The following GIGYF1 variants were observed in gnomAD, a reference collection of about 807,000 sequenced individuals.
The protein encoded by GIGYF1 is GRB10-interacting GYF protein 1.
A neutral mutation model predicts 147.1 loss-of-function variants in GIGYF1; 84 were observed. The observed-to-expected ratio is 0.57, with a 90% CI of 0.48 to 0.68. GIGYF1 has a LOEUF of 0.68. Ranked by LOEUF, GIGYF1 falls within the 30% of genes least tolerant of loss-of-function variation. The pLI is 0.00. For missense variants in GIGYF1, 1,485 were observed against 1,393.7 expected, an observed-to-expected ratio of 1.07 and a Z score of -1.04; for synonymous variants, 752 against 589.5, an observed-to-expected ratio of 1.28 and a Z score of -3.99.
At position 100,681,457 on chromosome 7, in the gene GIGYF1, T is replaced by A. The variant is rs981484538; in HGVS notation, c.*262A>T. 12 of 378,498 alleles carry A rather than the reference T, an allele frequency of 3.2e-5. No homozygotes were observed. The highest frequency in any genetic ancestry group is 5.6e-5 in the Non-Finnish European group (12 of 213,606). 23.4% of individuals were successfully genotyped at this position (378,498 alleles called of 1,614,324 possible). A position where few individuals can be genotyped will look rare whatever the true frequency, so the allele number is the denominator to read the frequency against. On this transcript the variant is annotated 3_prime_UTR_variant, in exon 27 of 27. Coordinates refer to ENST00000678049, the MANE Select transcript of GIGYF1 (RefSeq NM_001375765.1). ...GAAGGGGTGTTTAGAGTCTAGTTTT[T>A]AACAATATTTTTGCCTCTCCTAATG...
intron 1 of GIGYF1, among the ~76,000 whole-genome samples, chr7:100,692,002 T>C (rs1584513072): frequency 6.6e-6 from 1 of 152,186 alleles, no homozygotes; most frequent in African/African-American, 2.4e-5. Flanking sequence ...CCTCACTCCA[T>C]CACCCCTAAA....
In GIGYF1 at chr7:100,682,706, T is replaced by G; in HGVS notation, c.2484A>C (p.Pro828=). The stretch of plus-strand genomic sequence containing the variant: ...CGCTGCTGCCGCCCCCACTCTTGTC[T>G]GGCCCGCCCCACAGTGGCCCAGCCT... ...VSEAGPLWGG[P]DKSGGGSSGL... is the part of the protein sequence containing the mutation. The change falls in exon 23 of 27, where the codon CCA becomes CCC. Residue 828 remains proline, a synonymous_variant. Coordinates refer to ENST00000678049, the MANE Select transcript of GIGYF1 (RefSeq NM_001375765.1). The G allele has an allele frequency of 6.3e-7, 1 of 1,587,166 alleles. No homozygotes were observed. Among genetic ancestry groups the G allele is most frequent in the Non-Finnish European group, 8.6e-7 (1 of 1,167,396 alleles).
At chr7:100,686,861 G>A (rs1399097872) in intron 9 of GIGYF1, 42 bp from the exon 10 acceptor site, 19 of 1,597,476 alleles carry the variant, frequency 1.2e-5, no homozygotes, top group Middle Eastern at 3.3e-4. Flanking sequence ...GAAAGGCAGC[G>A]TGGTGCCTGG....
intron 8 of GIGYF1, 23 bp downstream of exon 8, chr7:100,687,275 G>T (rs746765146): frequency 6.2e-7 from 1 of 1,601,244 alleles, no homozygotes; most frequent in Non-Finnish European, 8.5e-7. Flanking sequence ...CCGGCTCTGC[G>T]CCATGCCCCC....
intron 13 of GIGYF1, 84 bp from the exon 14 acceptor site, chr7:100,685,230 G>C (rs1463710028): frequency 6.6e-7 from 1 of 1,516,614 alleles, no homozygotes; most frequent in African/African-American, 1.4e-5. Context: ...AGAACACCAC[G>C]CTCTTGCCAT....
At chr7:100,684,978 G>A in intron 14 of GIGYF1, 71 bp downstream of exon 14, 1 of 1,544,536 alleles carries the variant, frequency 6.5e-7, no homozygotes, top group Non-Finnish European at 8.7e-7. Flanking sequence ...TTGAGCTGGG[G>A]CCGGGGCTGG....
rs539867743 is a variant in GIGYF1 at position 100,683,895 on chromosome 7, G to C, written c.1892C>G (p.Pro631Arg). ...PPRGGDQNLL[P>R]TMSRSLSVPD... ...CACCGACAAGGACCGGCTCATCGTCGGGAGCAGGTTCTGGTCCCCGCCTCT... is the reference window on the plus strand; with the variant it reads ...CACCGACAAGGACCGGCTCATCGTCCGGAGCAGGTTCTGGTCCCCGCCTCT... The change falls in exon 19 of 27, where the codon CCG becomes CGG. Residue 631 changes from proline to arginine, a missense_variant. Physicochemically the swap from Pro to Arg is moderately radical, Grantham distance 103. Coordinates refer to ENST00000678049, the MANE Select transcript of GIGYF1 (RefSeq NM_001375765.1). The C allele has an allele frequency of 8.4e-5, 131 of 1,555,498 alleles. 1 individual carries two copies. In the South Asian group the frequency reaches 1.4e-3, roughly 17 times the overall value.
intron 14 of GIGYF1, 52 bp from the exon 15 acceptor site, chr7:100,684,946 A>C: frequency 3.8e-6 from 6 of 1,593,744 alleles, no homozygotes; most frequent in Non-Finnish European, 5.1e-6. Flanking sequence ...CAGCAACATC[A>C]GGATGGGGAT....
Position 100,684,240 on chromosome 7 carries a change from C to G in GIGYF1, c.1727G>C (p.Ser576Thr). 1 of 1,610,102 alleles carries G rather than the reference C, an allele frequency of 6.2e-7. No individual in the cohort carries two copies. Among genetic ancestry groups the G allele is most frequent in the Non-Finnish European group, 8.5e-7 (1 of 1,179,146 alleles). Residue 576 changes from serine (S) to threonine (T), a missense_variant, in exon 17 of 27, where the codon AGC becomes ACC. Ser to Thr is a moderately conservative substitution (Grantham distance 58). Coordinates refer to ENST00000678049, the MANE Select transcript of GIGYF1 (RefSeq NM_001375765.1). ...GCCCACCCCAGGCCCCCCATACCTG[C>G]TGACCAGCTGGAGAAACTGCTGGTG... ...LQHQQFLQLV[S>T]SRQLPQCALR...
At position 100,688,251 on chromosome 7, in the gene GIGYF1, C is replaced by T. The variant is rs766489684; in HGVS notation, c.-13G>A. ...TCTCTGCTGCCATCGTGGGGCTGGGCGTGTTTGAGAGGCCGGGGGTGGGGA... is the reference window on the plus strand; with the variant it reads ...TCTCTGCTGCCATCGTGGGGCTGGGTGTGTTTGAGAGGCCGGGGGTGGGGA... On this transcript the variant is annotated 5_prime_UTR_variant, in exon 4 of 27. Coordinates refer to ENST00000678049, the MANE Select transcript of GIGYF1 (RefSeq NM_001375765.1). 24 of 1,068,252 alleles carry T rather than the reference C, an allele frequency of 2.2e-5. 1 individual carries two copies. Among genetic ancestry groups the T allele is most frequent in the South Asian group, 7.4e-5 (6 of 80,944 alleles). 66.2% of individuals were successfully genotyped at this position (1,068,252 alleles called of 1,614,324 possible). A position where few individuals can be genotyped will look rare whatever the true frequency, so the allele number is the denominator to read the frequency against.
chr7:100,684,263 G>C lies in GIGYF1; in HGVS notation c.1704C>G (p.His568Gln), dbSNP rs774498986. Reference sequence around the variant, plus strand: ...TGCTGACCAGCTGGAGAAACTGCTGGTGCTGCAGCTGCTGGTACAAGGCCG... The same window carrying C: ...TGCTGACCAGCTGGAGAAACTGCTGCTGCTGCAGCTGCTGGTACAAGGCCG... The part of the protein sequence containing the change: ...AAAALYQQLQ[H>Q]QQFLQLVSSR... Residue 568 changes from histidine (H) to glutamine (Q), a missense_variant, in exon 17 of 27, where the codon CAC becomes CAG. Physicochemically the swap from His to Gln is conservative, Grantham distance 24. Transcript: ENST00000678049. 3 of 1,609,386 alleles carry C rather than the reference G, an allele frequency of 1.9e-6. No homozygotes were observed. The highest frequency in any genetic ancestry group is 2.5e-6 in the Non-Finnish European group (3 of 1,178,758).
intron 10 of GIGYF1, 93 bp downstream of exon 10, chr7:100,686,556 T>TC: frequency 2.6e-6 from 4 of 1,526,112 alleles, no homozygotes; most frequent in Non-Finnish European, 3.5e-6. Context: ...CCAGCCAGCC[T>TC]CTGCTCCCTC....
At chr7:100,687,181 G>T in intron 8 of GIGYF1, 117 bp downstream of exon 8, 1 of 1,456,802 alleles carries the variant, frequency 6.9e-7, no homozygotes, top group Non-Finnish European at 9.6e-7. Flanking sequence ...GGGGTCAGGA[G>T]CACCGGGATC....
In GIGYF1 at chr7:100,687,800, A is replaced by G; in HGVS notation, c.249T>C (p.Thr83=). Residue 83 remains threonine (T), a synonymous_variant, in exon 6 of 27, where the codon ACT becomes ACC. Transcript: ENST00000678049. ...PLQPLALEPL[T]EEEQRNFSLS... ...GGCCCGGTCCCACCTGTTCCTCCTC[A>G]GTCAGCGGCTCCAGAGCCAGGGGCT... 6.2e-7 allele frequency: 1 copy of G among 1,611,904 alleles called. No homozygotes were observed.
Position 100,687,354 on chromosome 7 carries a change from A to T in GIGYF1, c.426T>A (p.Asp142Glu). ...CFYQRSIEEG[D>E]GAFGRSPREI... ...CCCGGGGGCTTCGTCCAAAGGCCCCATCGCCTTCTTCGATGCTTCTTTGGT... is the reference window on the plus strand; with the variant it reads ...CCCGGGGGCTTCGTCCAAAGGCCCCTTCGCCTTCTTCGATGCTTCTTTGGT... The change falls in exon 8 of 27, where the codon GAT becomes GAA. Residue 142 changes from aspartate to glutamate, a missense_variant. Coordinates refer to ENST00000678049, the MANE Select transcript of GIGYF1 (RefSeq NM_001375765.1). 6.2e-7 allele frequency: 1 copy of T among 1,613,356 alleles called. No individual in the cohort carries two copies. The highest frequency in any genetic ancestry group is 8.5e-7 in the Non-Finnish European group (1 of 1,179,968).
rs371312911 is a variant in GIGYF1, at chr7:100,686,173, C to A, written c.948+7G>T. On this transcript the variant is annotated splice_region_variant and intron_variant, in intron 11 of 26. Transcript: ENST00000678049. ...GCAGGTTCCCACCCTCGCCTCCTCA[C>A]AGATACCTTGAGAGGCAAGAAGGCC... The A allele has an allele frequency of 6.2e-7, 1 of 1,605,778 alleles. No individual in the cohort carries two copies. Among genetic ancestry groups the A allele is most frequent in the South Asian group, 1.1e-5 (1 of 90,416 alleles).
chr7:100,681,750 G>A lies in GIGYF1; in HGVS notation c.3077C>T (p.Ser1026Phe). Residue 1026 changes from serine to phenylalanine, a missense_variant, in exon 27 of 27, where the codon TCT becomes TTT. Physicochemically the swap from Ser to Phe is radical, Grantham distance 155. Transcript: ENST00000678049. ...GTCATCCACGCTCTCGATCTCACCAGAAGATCCGTGCAGGGAGTACCCTGA... is the reference window on the plus strand; with the variant it reads ...GTCATCCACGCTCTCGATCTCACCAAAAGATCCGTGCAGGGAGTACCCTGA... ...SILGYSLHGS[S>F]GEIESVDDY 3.8e-6 allele frequency: 6 copies of A among 1,584,146 alleles called. No homozygotes were observed. Among genetic ancestry groups the A allele is most frequent in the East Asian group, 2.2e-5 (1 of 44,636 alleles).
intron 1 of GIGYF1, among the ~76,000 whole-genome samples, chr7:100,691,370 G>A (rs1043245608): frequency 7.9e-5 from 12 of 152,260 alleles, no homozygotes; most frequent in Admixed American, 6.5e-5. Flanking sequence ...GGGCCAAGGG[G>A]AAGGCAAGGG....
Position 100,683,606 on chromosome 7 carries a change from G to C in GIGYF1, c.1996C>G (p.Pro666Ala). The C allele has an allele frequency of 1.2e-6, 2 of 1,614,212 alleles. No individual in the cohort carries two copies. Among genetic ancestry groups the C allele is most frequent in the South Asian group, 1.1e-5 (1 of 91,090 alleles). ...SGGEASLWDI[P>A]INSSTQGPIL... ...GGACCCTGAGTCGAAGAGTTAATTG[G>C]TATGTCCCAAAGACTGGCCTCACCA... is the stretch of plus-strand genomic sequence containing the variant. The change falls in exon 20 of 27, where the codon CCA (proline) becomes GCA (alanine). Residue 666 changes from proline to alanine, a missense_variant. Physicochemically the swap from Pro to Ala is conservative, Grantham distance 27. Coordinates refer to ENST00000678049, the MANE Select transcript of GIGYF1 (RefSeq NM_001375765.1).
Sources: gnomAD v4.1 joint callset for allele counts (sites outside exome capture counted in the v4.1 genomes callset) on GRCh38, gnomAD v4.1.1 for gene constraint, MANE v1.5 for transcripts, NCBI Gene and HGNC (gene_info 2026-07-23, HGNC 2026-07-21) for gene names.